The following PHLPP1 variants were observed in gnomAD, a reference collection of about 807,000 sequenced individuals.
PHLPP1 encodes the protein PH domain and leucine rich repeat protein phosphatase 1.
PHLPP1 carries 42 observed loss-of-function variants against 117.2 expected under a neutral mutation model. The ratio of observed to expected loss-of-function variants is 0.36; its 90% confidence interval spans 0.28 to 0.46. The LOEUF is 0.46. Among genes scored for constraint, PHLPP1 ranks in the 20% least tolerant of loss-of-function variants. The pLI, the probability that PHLPP1 is intolerant of heterozygous loss-of-function variation, is 1.00. For synonymous variants in PHLPP1, 1,042 were observed against 970.7 expected (o/e 1.07, Z -1.37); for missense variants, 2,084 against 2,241.9 (o/e 0.93, Z 1.42).
At chr18:62,794,238 T>A (rs1913555695) in intron 1 of PHLPP1, among the ~76,000 whole-genome samples, 1 of 152,220 alleles carries the variant, frequency 6.6e-6, no homozygotes, top group Non-Finnish European at 1.5e-5. Context: ...TTTTGTTGTT[T>A]TTTTTCTTTC....
intron 1 of PHLPP1, among the ~76,000 whole-genome samples, chr18:62,762,557 A>T (rs954550014): frequency 6.6e-6 from 1 of 151,466 alleles, no homozygotes; most frequent in Non-Finnish European, 1.5e-5. Flanking sequence ...GGGACTACAG[A>T]TGTGTGCCAC....
chr18:62,947,202 T>C (rs1910321958), intron 12 of PHLPP1, among the ~76,000 whole-genome samples: 1 of 152,250 alleles, frequency 6.6e-6, no homozygotes, highest in Non-Finnish European at 1.5e-5. Context: ...TTTCCTCGTA[T>C]GTTAAAGAAA....
chr18:62,895,880 A>G lies in PHLPP1; in HGVS notation c.2313A>G (p.Glu771=). 1 of 1,613,062 alleles carries G rather than the reference A, an allele frequency of 6.2e-7. No homozygotes were observed. The highest frequency in any genetic ancestry group is 8.5e-7 in the Non-Finnish European group (1 of 1,179,044). The part of the protein sequence containing the change: ...QLSYLGLSFN[E]FTDIPEVLEK... ...GTTATCTGGGTCTTTCTTTCAATGA[A>G]TTTACTGACATTCCCGAAGTATTGG... Residue 771 remains glutamate, a synonymous_variant, in exon 6 of 17, where the codon GAA becomes GAG. Coordinates refer to ENST00000262719, the MANE Select transcript of PHLPP1 (RefSeq NM_194449.4).
intron 2 of PHLPP1, among the ~76,000 whole-genome samples, chr18:62,833,337 G>A (rs192505372): frequency 1.8e-3 from 275 of 152,276 alleles, no homozygotes; most frequent in African/African-American, 6.5e-3. Flanking sequence ...GCCTCCCATA[G>A]TGCTGGGATT....
At chr18:62,917,130 G>C in intron 9 of PHLPP1, among the ~76,000 whole-genome samples, 1 of 149,652 alleles carries the variant, frequency 6.7e-6, no homozygotes. Context: ...CAAGTTCTCT[G>C]TTTTGCTGAA....
In PHLPP1 at chr18:62,715,658, G is replaced by GC; in HGVS notation, c.-26_-25insC. 1 of 1,265,940 alleles carries GC rather than the reference G, an allele frequency of 7.9e-7. No homozygotes were observed. The highest frequency in any genetic ancestry group is 3.1e-5 in the East Asian group (1 of 32,020). The allele number at this position is 1,265,940 out of a possible 1,614,324, so 78.4% of individuals were successfully genotyped here. ...TCTCCGCCCGCTGCCTCCGGAGCTG[G>GC]GGGGGAAACGCGAAGCCCCACTGCA... On this transcript the variant is annotated 5_prime_UTR_variant, in exon 1 of 17. Coordinates refer to ENST00000262719, the MANE Select transcript of PHLPP1 (RefSeq NM_194449.4).
chr18:62,826,873 G>A (rs144209953), intron 1 of PHLPP1, among the ~76,000 whole-genome samples: 2,147 of 152,172 alleles, frequency 0.014, 43 homozygotes, highest in African/African-American at 0.05. Context: ...GGTGGCACAC[G>A]TCTGTAGTCC....
intron 2 of PHLPP1, among the ~76,000 whole-genome samples, chr18:62,835,239 T>C (rs1344706986): frequency 6.6e-6 from 1 of 151,750 alleles, no homozygotes; most frequent in Non-Finnish European, 1.5e-5. Flanking sequence ...GTCTGTCTCT[T>C]GTCACGCAGG....
At chr18:62,793,429 T>C (rs1463855291) in intron 1 of PHLPP1, among the ~76,000 whole-genome samples, 3 of 152,216 alleles carry the variant, frequency 2.0e-5, no homozygotes, top group Admixed American at 2.0e-4. Context: ...CTGCCAGATT[T>C]ACCTGTTGAT....
chr18:62,855,615 G>C (rs1164844889), intron 3 of PHLPP1, among the ~76,000 whole-genome samples: 1 of 152,194 alleles, frequency 6.6e-6, no homozygotes, highest in Non-Finnish European at 1.5e-5. Context: ...GACATTCCTA[G>C]TTCTACATAG....
chr18:62,879,059 GC>G (rs1331879612), intron 4 of PHLPP1, among the ~76,000 whole-genome samples: 5 of 152,228 alleles, frequency 3.3e-5, no homozygotes, highest in Admixed American at 1.3e-4. Flanking sequence ...TTCATGAAAT[GC>G]CTACATCAGA....
chr18:62,924,923 A>C (rs942061046), intron 10 of PHLPP1, among the ~76,000 whole-genome samples: 2 of 151,736 alleles, frequency 1.3e-5, no homozygotes, highest in Admixed American at 6.6e-5. Flanking sequence ...TTGGTAACCA[A>C]ATAACAAACA....
chr18:62,844,288 G>A (rs549400115), intron 3 of PHLPP1, among the ~76,000 whole-genome samples: 1 of 152,266 alleles, frequency 6.6e-6, no homozygotes, highest in South Asian at 2.1e-4. Flanking sequence ...GCACTGAGCT[G>A]AGATTGCGCC....
intron 1 of PHLPP1, among the ~76,000 whole-genome samples, chr18:62,759,234 AAC>A (rs1912132858): frequency 6.6e-6 from 1 of 152,184 alleles, no homozygotes; most frequent in African/African-American, 2.4e-5. Flanking sequence ...CTGCAGAAAA[AAC>A]ACAGGTAAAA....
rs74744555 is a variant in PHLPP1 at position 62,962,555 on chromosome 18, C to T, written c.3456-813C>T. On this transcript the variant is annotated intron_variant, in intron 13 of 16. Transcript: ENST00000262719. ...AACTCCCGACCTCAGGTGATCCGCC[C>T]GCCTTGGCCTCCCAAAGTGCTGGGA... is the stretch of plus-strand genomic sequence containing the variant. Among the ~76,000 whole-genome samples the T allele has an allele frequency of 1.5e-3, 236 of 152,272 alleles. 6 individuals carry two copies. The East Asian group carries it at 0.039, about 25-fold the overall frequency.
intron 1 of PHLPP1, among the ~76,000 whole-genome samples, chr18:62,740,798 C>A (rs868114813): frequency 6.6e-6 from 1 of 151,974 alleles, no homozygotes. Flanking sequence ...ATGGTGAGAC[C>A]CCATACGTAC....
Position 62,895,864 on chromosome 18 carries a change from G to A in PHLPP1, c.2297G>A (p.Gly766Asp). 1 of 1,613,558 alleles carries A rather than the reference G, an allele frequency of 6.2e-7. No individual in the cohort carries two copies. Among genetic ancestry groups the A allele is most frequent in the South Asian group, 1.1e-5 (1 of 91,068 alleles). The change falls in exon 6 of 17, where the codon GGT becomes GAT. Residue 766 changes from glycine to aspartate, a missense_variant. Physicochemically the swap from Gly to Asp is moderately conservative, Grantham distance 94 (BLOSUM62 -1). This residue lies in a region of PHLPP1 where 1,365 missense variants were observed against 1,605.9 expected (regional missense o/e 0.85). Coordinates refer to ENST00000262719, the MANE Select transcript of PHLPP1 (RefSeq NM_194449.4). ...LENMKQLSYL[G>D]LSFNEFTDIP... The stretch of plus-strand genomic sequence containing the variant: ...AACATGAAGCAGCTTAGTTATCTGG[G>A]TCTTTCTTTCAATGAATTTACTGAC...
chr18:62,978,257 T>C lies in PHLPP1; in HGVS notation c.3985-5T>C, dbSNP rs1354994005. On this transcript the variant is annotated splice_polypyrimidine_tract_variant and splice_region_variant and intron_variant, in intron 16 of 16. Transcript: ENST00000262719. The surrounding 1 kb of genome is among the most constrained non-coding windows in gnomAD (Gnocchi z 7.0). Reference sequence around the variant, plus strand: ...CTGTCTGTCTGCAAACCCTTGTTCTTCCAGGATGGCAAGGTGAACGGAGTG... The same window carrying C: ...CTGTCTGTCTGCAAACCCTTGTTCTCCCAGGATGGCAAGGTGAACGGAGTG... The C allele has an allele frequency of 6.4e-7, 1 of 1,572,458 alleles. No homozygotes were observed. Among genetic ancestry groups the C allele is most frequent in the African/African-American group, 1.3e-5 (1 of 74,304 alleles).
At chr18:62,755,023 G>A (rs1436840395) in intron 1 of PHLPP1, among the ~76,000 whole-genome samples, 1 of 152,182 alleles carries the variant, frequency 6.6e-6, no homozygotes, top group African/African-American at 2.4e-5. Context: ...ACCACAGTAG[G>A]CTTCTTGACA....
Sources: allele counts gnomAD v4.1 joint callset (sites outside exome capture counted in the v4.1 genomes callset), GRCh38; gene constraint gnomAD v4.1.1; regional missense constraint gnomAD v4.1.1; non-coding constraint Gnocchi (gnomAD v3.1); transcripts MANE v1.5; gene names NCBI Gene and HGNC (gene_info 2026-07-23, HGNC 2026-07-21).